IL1RAPL2: variants seen among roughly 807,000 people sequenced by gnomAD.
The protein encoded by IL1RAPL2 is X-linked interleukin-1 receptor accessory protein-like 2.
A neutral mutation model predicts 44.1 loss-of-function variants in IL1RAPL2; 3 were observed. The ratio of observed to expected loss-of-function variants is 0.07; its 90% CI spans 0.03 to 0.18. The LOEUF is 0.18. Among genes scored for constraint, IL1RAPL2 ranks in the 10% least tolerant of loss-of-function variants. The pLI is 1.00. For missense variants in IL1RAPL2, 391 were observed against 496.4 expected, an observed-to-expected ratio of 0.79 and a Z score of 2.02; for synonymous variants, 181 against 178.8, an observed-to-expected ratio of 1.01 and a Z score of -0.10.
chrX:104,713,036 C>CA (rs1931488434), intron 2 of IL1RAPL2, among the ~76,000 whole-genome samples: 2 of 110,870 alleles, frequency 1.8e-5, no homozygotes, highest in Admixed American at 9.6e-5. Context: ...TGTAAGCTTT[C>CA]AATGCTGGTG....
intron 2 of IL1RAPL2, among the ~76,000 whole-genome samples, chrX:105,084,419 G>T (rs1232562160): frequency 8.9e-6 from 1 of 112,964 alleles, no homozygotes; most frequent in Admixed American, 9.3e-5. Flanking sequence ...TCTTTCATTA[G>T]CATGACCTGG....
intron 5 of IL1RAPL2, among the ~76,000 whole-genome samples, chrX:105,284,240 A>T (rs2034553941): frequency 8.9e-6 from 1 of 112,065 alleles, no homozygotes. Context: ...CAACAAAGCA[A>T]GTTTTGGGGG....
chrX:104,647,203 C>T (rs1409254274), intron 1 of IL1RAPL2: 3 of 332,331 alleles, frequency 9.0e-6, no homozygotes, highest in African/African-American at 7.9e-5. Context: ...TGGGCCCCCA[C>T]TGGGACAGCT....
At chrX:105,318,691 A>C (rs1188308446) in intron 5 of IL1RAPL2, among the ~76,000 whole-genome samples, 1 of 110,971 alleles carries the variant, frequency 9.0e-6, no homozygotes. Context: ...TAAGCTATGT[A>C]GAAGGCCTTG....
intron 5 of IL1RAPL2, among the ~76,000 whole-genome samples, chrX:105,281,560 A>G (rs2034533171): frequency 8.9e-6 from 1 of 112,206 alleles, no homozygotes; most frequent in South Asian, 3.7e-4. Context: ...AGATTATAAT[A>G]CTGTATTTTT....
chrX:104,879,419 G>A (rs1042755666), intron 2 of IL1RAPL2, among the ~76,000 whole-genome samples: 7 of 89,557 alleles, frequency 7.8e-5, no homozygotes, highest in Non-Finnish European at 1.2e-4. Context: ...CTATGAAATT[G>A]ACAGCACTTT....
chrX:105,711,066 TTCTC>T (rs1433722855), intron 6 of IL1RAPL2, among the ~76,000 whole-genome samples: 1 of 109,119 alleles, frequency 9.2e-6, no homozygotes, highest in Non-Finnish European at 1.9e-5. Flanking sequence ...GAATATATGT[TTCTC>T]TCCCTCTCAG....
rs1175274249 is a variant in IL1RAPL2 at position 104,730,754 on chromosome X, G to T, written c.82+71759G>T. Among the ~76,000 whole-genome samples the T allele has an allele frequency of 8.3e-5, 9 of 109,039 alleles. No individual in the cohort carries two copies. The East Asian group carries it at 2.4e-3, about 29-fold the overall frequency. The allele number at this position is 109,039 out of a possible 115,157, so 94.7% of individuals were successfully genotyped here. The stretch of plus-strand genomic sequence containing the variant: ...TATATACCCAGTAATGGGATGGCTG[G>T]GTCAAATGGAATTTCTAGTTCTAGA... On this transcript the variant is annotated intron_variant, in intron 2 of 10. Coordinates refer to ENST00000372582, the MANE Select transcript of IL1RAPL2 (RefSeq NM_017416.2).
chrX:104,661,695 A>G (rs1250677419), intron 2 of IL1RAPL2, among the ~76,000 whole-genome samples: 1 of 111,313 alleles, frequency 9.0e-6, no homozygotes, highest in Admixed American at 9.7e-5. Context: ...TTTGAAGAAC[A>G]TTAAAAATGC....
chrX:105,360,851 C>A (rs1602376290), intron 5 of IL1RAPL2, among the ~76,000 whole-genome samples: 1 of 111,024 alleles, frequency 9.0e-6, no homozygotes, highest in Admixed American at 9.7e-5. Flanking sequence ...CCCTGTAGAG[C>A]AGATTTGGAA....
chrX:105,074,210 AT>A (rs1324277937), intron 2 of IL1RAPL2, among the ~76,000 whole-genome samples: 5 of 111,832 alleles, frequency 4.5e-5, no homozygotes, highest in Non-Finnish European at 9.4e-5. Context: ...TCTTGAATTA[AT>A]TTTTGTATAA....
intron 6 of IL1RAPL2, among the ~76,000 whole-genome samples, chrX:105,574,308 T>G (rs770023312): frequency 9.0e-6 from 1 of 111,329 alleles, no homozygotes; most frequent in Non-Finnish European, 1.9e-5. Context: ...GGAGTGTTTC[T>G]TGAGGATAGG....
chrX:104,631,796 G>A (rs1483213528), intron 1 of IL1RAPL2, among the ~76,000 whole-genome samples: 4 of 110,749 alleles, frequency 3.6e-5, no homozygotes, highest in African/African-American at 9.9e-5. Flanking sequence ...TAGGTTGCCT[G>A]TTCACTCTGA....
At chrX:105,620,413 A>G (rs1234482636) in intron 6 of IL1RAPL2, among the ~76,000 whole-genome samples, 9 of 110,907 alleles carry the variant, frequency 8.1e-5, no homozygotes, top group African/African-American at 2.9e-4. Context: ...GATAATACCC[A>G]GTAATAGCAG....
At chrX:104,737,077 A>G (rs1228561918) in intron 2 of IL1RAPL2, among the ~76,000 whole-genome samples, 1 of 112,486 alleles carries the variant, frequency 8.9e-6, no homozygotes, top group Non-Finnish European at 1.9e-5. Flanking sequence ...GTCATCCAGA[A>G]CCATTTTATT....
chrX:104,860,819 A>G (rs1037719264), intron 2 of IL1RAPL2, among the ~76,000 whole-genome samples: 1 of 111,288 alleles, frequency 9.0e-6, no homozygotes, highest in Non-Finnish European at 1.9e-5. Context: ...AAAGTGGAAA[A>G]AAGTTAGGTT....
intron 6 of IL1RAPL2, among the ~76,000 whole-genome samples, chrX:105,527,395 C>T (rs184569006): frequency 1.8e-4 from 19 of 107,913 alleles, no homozygotes; most frequent in Admixed American, 1.7e-3. Flanking sequence ...CTCCTCAAAG[C>T]CTACAGGATA....
intron 2 of IL1RAPL2, among the ~76,000 whole-genome samples, chrX:104,704,310 T>C (rs1931328811): frequency 9.0e-6 from 1 of 111,530 alleles, no homozygotes; most frequent in Non-Finnish European, 1.9e-5. Context: ...CCAGTGTGGC[T>C]GGAACACAGG....
At chrX:104,732,452 A>G (rs1931938114) in intron 2 of IL1RAPL2, among the ~76,000 whole-genome samples, 1 of 112,128 alleles carries the variant, frequency 8.9e-6, no homozygotes, top group South Asian at 3.7e-4. Flanking sequence ...GCTACTGTAG[A>G]TACAGTCAAA....
Sources: gnomAD v4.1 joint callset for allele counts (sites outside exome capture counted in the v4.1 genomes callset) on GRCh38, gnomAD v4.1.1 for gene constraint, MANE v1.5 for transcripts, NCBI Gene and HGNC (gene_info 2026-07-23, HGNC 2026-07-21) for gene names.